ECHDC3: variants seen among roughly 807,000 people sequenced by gnomAD.
The protein encoded by ECHDC3 is enoyl-CoA hydratase domain containing 3, also known as enoyl-CoA hydratase domain-containing protein 3, mitochondrial.
In ECHDC3, 20 loss-of-function variants were observed where a neutral mutation model predicts 17.9. The observed-to-expected ratio is 1.12, with a 90% CI of 0.79 to 1.63. The LOEUF (loss-of-function observed/expected upper bound fraction) is 1.63, where lower values mean the gene tolerates loss of function less well. ECHDC3 is among the 40% of genes most tolerant of loss of function. The pLI is 0.00. For missense variants in ECHDC3, 407 were observed against 357.7 expected (o/e 1.14, Z -1.11); for synonymous variants, 177 against 149.7 (o/e 1.18, Z -1.33).
At chr10:11,749,960 T>C (rs1381478630) in intron 3 of ECHDC3, among the ~76,000 whole-genome samples, 2 of 151,938 alleles carry the variant, frequency 1.3e-5, no homozygotes, top group Non-Finnish European at 2.9e-5. Context: ...CACATCTGGC[T>C]AATTTTTGTA....
chr10:11,755,821 G>T, intron 4 of ECHDC3: 1 of 505,640 alleles, frequency 2.0e-6, no homozygotes, highest in East Asian at 3.3e-5. Context: ...AGCTTCTGAC[G>T]CCAGGCGTCA....
At chr10:11,749,850 C>T (rs1588463154) in intron 3 of ECHDC3, among the ~76,000 whole-genome samples, 1 of 120,622 alleles carries the variant, frequency 8.3e-6, no homozygotes, top group East Asian at 2.7e-4. Flanking sequence ...GGCTGGAGTG[C>T]AGTGGTGCAA....
At position 11,743,028 on chromosome 10, in the gene ECHDC3, C is replaced by T. The variant is rs1476327303; in HGVS notation, c.170+282C>T. ...AGGCCTGGAGAGGAGGGCTCTGGGC[C>T]CCAGACCCGGCCCTAGGGGAAGTGT... On this transcript the variant is annotated intron_variant, in intron 1 of 4. Coordinates refer to ENST00000379215, the MANE Select transcript of ECHDC3 (RefSeq NM_024693.5). 1.9e-5 allele frequency: 6 copies of T among 312,020 alleles called. No individual in the cohort carries two copies. In the East Asian group the frequency reaches 2.1e-4, roughly 11 times the overall value. 19.3% of individuals were successfully genotyped at this position (312,020 alleles called of 1,614,324 possible). A position where few individuals can be genotyped will look rare whatever the true frequency, so the allele number is the denominator to read the frequency against.
chr10:11,743,840 C>T (rs1785181975), intron 1 of ECHDC3, among the ~76,000 whole-genome samples: 1 of 152,214 alleles, frequency 6.6e-6, no homozygotes, highest in Non-Finnish European at 1.5e-5. Context: ...GACTTCTGGG[C>T]ATGGCGGCCA....
intron 4 of ECHDC3, among the ~76,000 whole-genome samples, chr10:11,761,716 G>A (rs1172223946): frequency 6.6e-6 from 1 of 152,240 alleles, no homozygotes; most frequent in Non-Finnish European, 1.5e-5. Context: ...CTCACAGCAT[G>A]GAGGCCAGGT....
In ECHDC3 at chr10:11,753,079, G is replaced by T. The variant is rs553528068; in HGVS notation, c.391-2329G>T. On this transcript the variant is annotated intron_variant, in intron 3 of 4. Transcript: ENST00000379215. ...TTAGAAGTAGAATTCCTAGATCAAA[G>T]GTGAATGTATGCATTTTTAGGCCGG... is the stretch of plus-strand genomic sequence containing the variant. Among the ~76,000 whole-genome samples, 25 of 152,248 alleles carry T rather than the reference G, an allele frequency of 1.6e-4. No homozygotes were observed. The South Asian group carries it at 5.2e-3, about 32-fold the overall frequency.
At chr10:11,757,287 A>G (rs1348260865) in intron 4 of ECHDC3, among the ~76,000 whole-genome samples, 1 of 152,210 alleles carries the variant, frequency 6.6e-6, no homozygotes, top group Admixed American at 6.5e-5. Context: ...TTTTGAAATC[A>G]AGGCTTATTA....
chr10:11,759,851 T>G (rs1208888475), intron 4 of ECHDC3, among the ~76,000 whole-genome samples: 1 of 152,246 alleles, frequency 6.6e-6, no homozygotes, highest in African/African-American at 2.4e-5. Context: ...CCCAGGACTG[T>G]TATTATACGA....
rs146756663 is a variant in ECHDC3 at position 11,763,352 on chromosome 10, C to T, written c.720C>T (p.Ile240=). ...QEETMRIARK[I]ASLSRPVVSL... The stretch of plus-strand genomic sequence containing the variant: ...AGACCATGCGGATCGCTAGGAAGAT[C>T]GCATCGCTGAGCCGTCCGGTGGTGT... The change falls in exon 5 of 5, where the codon ATC becomes ATT. Residue 240 remains isoleucine (I), a synonymous_variant. Transcript: ENST00000379215. The surrounding 1 kb of genome is among the most constrained non-coding windows in gnomAD (Gnocchi z 4.9). The T allele has an allele frequency of 2.4e-5, 19 of 779,836 alleles. No individual in the cohort carries two copies. Among genetic ancestry groups the T allele is most frequent in the Middle Eastern group, 4.5e-4 (2 of 4,464 alleles). The allele number at this position is 779,836 out of a possible 1,614,324, so 48.3% of individuals were successfully genotyped here.
At chr10:11,748,129 C>T (rs1832782624) in intron 2 of ECHDC3, among the ~76,000 whole-genome samples, 1 of 152,120 alleles carries the variant, frequency 6.6e-6, no homozygotes, top group South Asian at 2.1e-4. Flanking sequence ...CAAAAGTGTT[C>T]AACTGTTTTA....
chr10:11,757,896 A>AACC (rs1278564757), intron 4 of ECHDC3, among the ~76,000 whole-genome samples: 1 of 152,168 alleles, frequency 6.6e-6, no homozygotes, highest in African/African-American at 2.4e-5. Context: ...ACCTGACCCA[A>AACC]ACCACCTGCC....
At chr10:11,750,491 G>A (rs1429953891) in intron 3 of ECHDC3, among the ~76,000 whole-genome samples, 1 of 152,072 alleles carries the variant, frequency 6.6e-6, no homozygotes, top group African/African-American at 2.4e-5. Context: ...GAAAAATACC[G>A]ACAGCCACAG....
intron 4 of ECHDC3, among the ~76,000 whole-genome samples, chr10:11,757,549 GTCTCTGT>G (rs1263778144): frequency 1.3e-5 from 2 of 151,728 alleles, no homozygotes; most frequent in Non-Finnish European, 2.9e-5. Flanking sequence ...CAGGTTCCTG[GTCTCTGT>G]TCTCATGTTC....
chr10:11,759,790 C>T (rs149224535), intron 4 of ECHDC3, among the ~76,000 whole-genome samples: 1 of 152,290 alleles, frequency 6.6e-6, no homozygotes, highest in African/African-American at 2.4e-5. Flanking sequence ...CTGCAGTTGG[C>T]CTAGTTGTGT....
At chr10:11,746,161 C>T (rs1264645381) in intron 1 of ECHDC3, among the ~76,000 whole-genome samples, 1 of 151,906 alleles carries the variant, frequency 6.6e-6, no homozygotes, top group Non-Finnish European at 1.5e-5. Flanking sequence ...AACCTCAGCT[C>T]TACTAAAAAT....
chr10:11,745,631 C>A (rs1201043203), intron 1 of ECHDC3, among the ~76,000 whole-genome samples: 41 of 152,126 alleles, frequency 2.7e-4, no homozygotes, highest in Admixed American at 2.7e-3. Context: ...TTCCGGAAAA[C>A]CATGACACAG....
Position 11,749,580 on chromosome 10 carries a change from G to C in ECHDC3, c.378G>C (p.Gln126His). The C allele has an allele frequency of 6.2e-7, 1 of 1,614,096 alleles. No individual in the cohort carries two copies. The highest frequency in any genetic ancestry group is 8.5e-7 in the Non-Finnish European group (1 of 1,180,024). The change falls in exon 3 of 5, where the codon CAG (glutamine) becomes CAC (histidine). Residue 126 changes from glutamine to histidine, a missense_variant. Gln to His is a conservative substitution (Grantham distance 24, BLOSUM62 0). Transcript: ENST00000379215. ...GTGATTACCATGCCGAAGTATTTCA[G>C]ACCTGTTCCAAGGTAAGCCAAGACG... ...QGRDYHAEVF[Q>H]TCSKVMMHIR... is the part of the protein sequence containing the mutation.
chr10:11,763,901 T>C lies in ECHDC3; in HGVS notation c.*357T>C. The C allele has an allele frequency of 4.8e-6, 5 of 1,040,514 alleles. No homozygotes were observed. The highest frequency in any genetic ancestry group is 4.6e-6 in the Non-Finnish European group (4 of 865,292). 64.5% of individuals were successfully genotyped at this position (1,040,514 alleles called of 1,614,324 possible). On this transcript the variant is annotated 3_prime_UTR_variant, in exon 5 of 5. Coordinates refer to ENST00000379215, the MANE Select transcript of ECHDC3 (RefSeq NM_024693.5). The surrounding 1 kb of genome is among the most constrained non-coding windows in gnomAD (Gnocchi z 4.9). ...GAAGGACGCCAGCCTGACCCTTATC[T>C]GAAACGTCCTAAGCAGAGTTAATCC...
Position 11,742,439 on chromosome 10 carries a change from G to T in ECHDC3, c.-138G>T. On this transcript the variant is annotated 5_prime_UTR_variant, in exon 1 of 5. Coordinates refer to ENST00000379215, the MANE Select transcript of ECHDC3 (RefSeq NM_024693.5). ...CCGCGAAGCCTGGGCCTGTCAGGCG[G>T]TTCCGTCCGGGTCTCGGCCACCGTC... is the stretch of plus-strand genomic sequence containing the variant. 2.3e-6 allele frequency: 2 copies of T among 881,828 alleles called. No homozygotes were observed. The highest frequency in any genetic ancestry group is 1.5e-6 in the Non-Finnish European group (1 of 676,270). 54.6% of individuals were successfully genotyped at this position (881,828 alleles called of 1,614,324 possible). A position where few individuals can be genotyped will look rare whatever the true frequency, so the allele number is the denominator to read the frequency against.
Sources: gnomAD v4.1 joint callset for allele counts (sites outside exome capture counted in the v4.1 genomes callset) on GRCh38, gnomAD v4.1.1 for gene constraint, Gnocchi (gnomAD v3.1) non-coding constraint, MANE v1.5 for transcripts, NCBI Gene and HGNC (gene_info 2026-07-23, HGNC 2026-07-21) for gene names.